Variants in AK9 observed in about 807,000 individuals in gnomAD.
AK9 encodes the protein adenylate kinase 9, also known as adenylate kinase domain containing 1.
A neutral mutation model predicts 239.6 loss-of-function variants in AK9; 191 were observed. That is an observed-to-expected ratio of 0.80 (90% CI 0.71 to 0.90). AK9 has a LOEUF of 0.90. Among genes scored for constraint, AK9 ranks in the 40% least tolerant of loss-of-function variants. The pLI is 0.00. For synonymous variants in AK9, 689 were observed against 721.0 expected, an observed-to-expected ratio of 0.96 and a Z score of 0.71; for missense variants, 1,995 against 2,214.7, an observed-to-expected ratio of 0.90 and a Z score of 1.99.
intron 8 of AK9, among the ~76,000 whole-genome samples, chr6:109,650,653 C>T (rs1235772702): frequency 3.3e-5 from 5 of 152,178 alleles, no homozygotes; most frequent in Admixed American, 1.3e-4. Context: ...CTAGTTCAAC[C>T]ATTGTGAAAG....
At chr6:109,593,124 G>A (rs1222694522) in intron 17 of AK9, among the ~76,000 whole-genome samples, 5 of 151,842 alleles carry the variant, frequency 3.3e-5, no homozygotes, top group African/African-American at 1.2e-4. Context: ...CTCTGAGATT[G>A]TTTCTTCTGC....
At chr6:109,530,020 GT>G (rs1178470227) in intron 28 of AK9, among the ~76,000 whole-genome samples, 1 of 152,208 alleles carries the variant, frequency 6.6e-6, no homozygotes, top group African/African-American at 2.4e-5. Flanking sequence ...GAAAGTGTAT[GT>G]GGTTGGCAGA....
intron 35 of AK9, among the ~76,000 whole-genome samples, chr6:109,500,600 T>C (rs1777511108): frequency 6.6e-6 from 1 of 152,204 alleles, no homozygotes; most frequent in Non-Finnish European, 1.5e-5. Flanking sequence ...TCATAGTTTG[T>C]TTTTTGTTTG....
At chr6:109,550,601 G>T in intron 24 of AK9, 1 of 209,100 alleles carries the variant, frequency 4.8e-6, no homozygotes, top group South Asian at 1.2e-4. Flanking sequence ...TGTTGATGCT[G>T]GGTCATTGTG....
At chr6:109,532,912 C>A (rs1781474876) in intron 28 of AK9, among the ~76,000 whole-genome samples, 1 of 152,060 alleles carries the variant, frequency 6.6e-6, no homozygotes, top group African/African-American at 2.4e-5. Context: ...GTCATCGCTC[C>A]AGGGGCAGCG....
In AK9 at chr6:109,619,206, G is replaced by T; in HGVS notation, c.1285C>A (p.Arg429Ser). The change falls in exon 13 of 41, where the codon CGT (arginine) becomes AGT (serine). Residue 429 changes from arginine to serine, a missense_variant. Coordinates refer to ENST00000424296, the MANE Select transcript of AK9 (RefSeq NM_001145128.3). Reference protein sequence around the residue: ...VVDYAQLVQPRFDKARETLVE... With the variant: ...VVDYAQLVQPSFDKARETLVE... ...AATGTTTCACGGGCTTTATCAAAACGTGGCTGAACAAGTTGGGCATAGTCG... is the reference window on the plus strand; with the variant it reads ...AATGTTTCACGGGCTTTATCAAAACTTGGCTGAACAAGTTGGGCATAGTCG... The T allele has an allele frequency of 1.3e-6, 2 of 1,549,618 alleles. No homozygotes were observed. The highest frequency in any genetic ancestry group is 8.7e-7 in the Non-Finnish European group (1 of 1,146,146).
intron 17 of AK9, among the ~76,000 whole-genome samples, chr6:109,604,790 C>T (rs1792617600): frequency 6.6e-6 from 1 of 152,038 alleles, no homozygotes; most frequent in Admixed American, 6.5e-5. Flanking sequence ...AGAAAGATAC[C>T]TTAATAAGAT....
At chr6:109,622,046 A>G (rs2128251972) in intron 12 of AK9, among the ~76,000 whole-genome samples, 1 of 147,544 alleles carries the variant, frequency 6.8e-6, no homozygotes, top group African/African-American at 2.5e-5. Context: ...ATATCAAAAT[A>G]TAGATAATAC....
chr6:109,528,057 G>C (rs1302020332), intron 29 of AK9: 1 of 157,522 alleles, frequency 6.3e-6, no homozygotes, highest in Non-Finnish European at 1.4e-5. Context: ...AATGTCACAT[G>C]TGTCAGCACT....
chr6:109,656,194 T>G (rs1799680413), intron 8 of AK9, among the ~76,000 whole-genome samples: 1 of 152,234 alleles, frequency 6.6e-6, no homozygotes, highest in South Asian at 2.1e-4. Context: ...CTTTTTACCA[T>G]ATAAAATACG....
intron 20 of AK9, among the ~76,000 whole-genome samples, chr6:109,578,835 T>G (rs939020333): frequency 6.7e-6 from 1 of 148,968 alleles, no homozygotes; most frequent in African/African-American, 2.4e-5. Flanking sequence ...CTAATTTCCA[T>G]GTATTCGTAT....
Position 109,632,924 on chromosome 6 carries a change from T to C in AK9, c.1253A>G (p.Lys418Arg), listed in dbSNP as rs772439158. 2 of 1,613,068 alleles carry C rather than the reference T, an allele frequency of 1.2e-6. No individual in the cohort carries two copies. Among genetic ancestry groups the C allele is most frequent in the Admixed American group, 3.3e-5 (2 of 59,800 alleles). Residue 418 changes from lysine to arginine, a missense_variant and splice_region_variant, in exon 12 of 41, where the codon AAG becomes AGG. Around this residue, in one of 5 missense-constraint regions of AK9, gnomAD observed 1,290 missense variants for 1,392.7 expected, o/e 0.93. Transcript: ENST00000424296. ...CNMLAENYKG[K>R]VVDYAQLVQP... is the part of the protein sequence containing the mutation. ...ATAGACAGATAGTTAGTTAGTCACC[T>C]TTCCTTTGTAATTTTCTGCAAGCAT...
At chr6:109,574,592 T>A (rs1787827799) in intron 20 of AK9, among the ~76,000 whole-genome samples, 1 of 152,178 alleles carries the variant, frequency 6.6e-6, no homozygotes, top group Admixed American at 6.5e-5. Context: ...TTCAGTTAAA[T>A]GTTAGTGAAA....
In AK9 at chr6:109,658,231, G is replaced by A. The variant is rs542875583; in HGVS notation, c.630+997C>T. Among the ~76,000 whole-genome samples, 9 of 152,140 alleles carry A rather than the reference G, an allele frequency of 5.9e-5. No individual in the cohort carries two copies. In the South Asian group the frequency reaches 1.0e-3, roughly 18 times the overall value. On this transcript the variant is annotated intron_variant, in intron 7 of 40. Transcript: ENST00000424296. ...TACATTTCAAAGTGGCTCAATACACGTCTTTTCCAAAAGAAGCTACCATTC... is the reference window on the plus strand; with the variant it reads ...TACATTTCAAAGTGGCTCAATACACATCTTTTCCAAAAGAAGCTACCATTC...
intron 24 of AK9, among the ~76,000 whole-genome samples, chr6:109,556,312 CTT>C (rs1582989408): frequency 1.3e-5 from 2 of 152,106 alleles, no homozygotes; most frequent in East Asian, 3.9e-4. Context: ...GTTGAAAATT[CTT>C]TAAGAATGTT....
chr6:109,494,990 C>A (rs2115387473), intron 39 of AK9, among the ~76,000 whole-genome samples: 1 of 152,286 alleles, frequency 6.6e-6, no homozygotes, highest in Middle Eastern at 3.4e-3. Context: ...GTGAATGATC[C>A]TCTCACGGAC....
At chr6:109,657,572 T>C (rs1289899596) in intron 7 of AK9, among the ~76,000 whole-genome samples, 1 of 151,788 alleles carries the variant, frequency 6.6e-6, no homozygotes, top group African/African-American at 2.4e-5. Context: ...AATTATACTT[T>C]AAGTTCTAGG....
chr6:109,520,956 T>C (rs577652216), intron 29 of AK9, among the ~76,000 whole-genome samples: 1 of 152,270 alleles, frequency 6.6e-6, no homozygotes, highest in Non-Finnish European at 1.5e-5. Context: ...GATTTTTGTA[T>C]CCTGAAATTT....
Position 109,577,904 on chromosome 6 carries a change from C to CTCTTTCTT in AK9, c.2191+1638_2191+1645dup, listed in dbSNP as rs149858598. ...CTTCTTTCCTTCTCTCTCTCTTTCT[C>CTCTTTCTT]TCTTTCTTTCTTTCTTTCTTTTCTT... On this transcript the variant is annotated intron_variant, in intron 20 of 40. Transcript: ENST00000424296. Among the ~76,000 whole-genome samples, 57 of 137,190 alleles carry CTCTTTCTT rather than the reference C, an allele frequency of 4.2e-4. No individual in the cohort carries two copies. The East Asian group carries it at 4.7e-3, about 11-fold the overall frequency. The allele number at this position is 137,190 out of a possible 152,430, so 90.0% of individuals were successfully genotyped here.
Sources: gnomAD v4.1 joint callset for allele counts (sites outside exome capture counted in the v4.1 genomes callset) on GRCh38, gnomAD v4.1.1 for gene constraint, gnomAD v4.1.1 regional missense constraint, MANE v1.5 for transcripts, NCBI Gene and HGNC (gene_info 2026-07-23, HGNC 2026-07-21) for gene names.